The following CHODL variants were observed in gnomAD, a reference collection of about 807,000 sequenced individuals.
CHODL encodes transmembrane protein MT75.
In CHODL, 29 loss-of-function variants were observed where a neutral mutation model predicts 34.5. That is an observed-to-expected ratio of 0.84 (90% confidence interval 0.63 to 1.15). The LOEUF (loss-of-function observed/expected upper bound fraction) is 1.15. Among genes scored for constraint, CHODL ranks in the 50% most tolerant of loss-of-function variants. The pLI, the probability that CHODL is intolerant of heterozygous loss-of-function variation, is 0.00. For synonymous variants in CHODL, 125 were observed against 116.1 expected, an observed-to-expected ratio of 1.08 and a Z score of -0.49; for missense variants, 332 against 332.5, an observed-to-expected ratio of 1.00 and a Z score of 0.01.
intron 2 of CHODL, among the ~76,000 whole-genome samples, chr21:18,133,909 G>T (rs1345089926): frequency 6.6e-6 from 1 of 152,064 alleles, no homozygotes; most frequent in Non-Finnish European, 1.5e-5. Flanking sequence ...GAATAACTTA[G>T]TTTGCAAGTA....
At chr21:18,239,578 A>G (rs958767524) in intron 2 of CHODL, among the ~76,000 whole-genome samples, 10 of 152,218 alleles carry the variant, frequency 6.6e-5, no homozygotes, top group African/African-American at 2.4e-4. Flanking sequence ...TATGAATGCC[A>G]CAAAGGAATA....
chr21:18,010,169 GC>G (rs1354815791), intron 1 of CHODL, among the ~76,000 whole-genome samples: 5 of 137,390 alleles, frequency 3.6e-5, no homozygotes, highest in African/African-American at 1.3e-4. Flanking sequence ...GTGGTGGCGG[GC>G]CCTGTAGTCC....
chr21:17,923,485 G>C (rs1380789043), intron 1 of CHODL, among the ~76,000 whole-genome samples: 1 of 130,548 alleles, frequency 7.7e-6, no homozygotes, highest in African/African-American at 2.9e-5. Flanking sequence ...TTTTTGAGAC[G>C]AAGTCTCGCA....
chr21:17,958,719 C>T (rs950292484), intron 1 of CHODL, among the ~76,000 whole-genome samples: 7 of 152,114 alleles, frequency 4.6e-5, no homozygotes, highest in African/African-American at 1.7e-4. Context: ...TCTAAAATTT[C>T]TGGAAATATC....
intron 1 of CHODL, among the ~76,000 whole-genome samples, chr21:17,972,842 G>GT (rs1323714715): frequency 6.6e-6 from 1 of 152,040 alleles, no homozygotes; most frequent in Admixed American, 6.6e-5. Context: ...CAAGACAATT[G>GT]TAAGCAAAAA....
At chr21:18,265,235 GTA>G (rs1156746967) in intron 5 of CHODL, among the ~76,000 whole-genome samples, 126 of 129,262 alleles carry the variant, frequency 9.7e-4, no homozygotes, top group East Asian at 6.9e-3. Context: ...ATATATGTGT[GTA>G]TATATATATG....
chr21:18,014,140 T>C (rs2064048427), intron 1 of CHODL, among the ~76,000 whole-genome samples: 1 of 152,128 alleles, frequency 6.6e-6, no homozygotes, highest in African/African-American at 2.4e-5. Context: ...GACAGAGTCA[T>C]GTGGAAGAGA....
intron 2 of CHODL, among the ~76,000 whole-genome samples, chr21:18,049,663 T>G (rs2146466286): frequency 6.6e-6 from 1 of 152,106 alleles, no homozygotes; most frequent in African/African-American, 2.4e-5. Context: ...CTCCTTACTG[T>G]GTCCTCACAT....
intron 2 of CHODL, among the ~76,000 whole-genome samples, chr21:18,210,298 T>A (rs1356254082): frequency 1.3e-5 from 2 of 152,192 alleles, no homozygotes; most frequent in Non-Finnish European, 2.9e-5. Flanking sequence ...TGTCCCACAA[T>A]CACGGCACTT....
chr21:18,012,194 A>G (rs1484307560), intron 1 of CHODL, among the ~76,000 whole-genome samples: 1 of 152,236 alleles, frequency 6.6e-6, no homozygotes, highest in Non-Finnish European at 1.5e-5. Flanking sequence ...AGCCAGTGGC[A>G]TTATGATCTT....
At position 18,177,946 on chromosome 21, in the gene CHODL, T is replaced by C. The variant is rs147323521; in HGVS notation, c.-44-78563T>C. Among the ~76,000 whole-genome samples the C allele has an allele frequency of 5.1e-3, 771 of 152,252 alleles. 2 individuals are homozygous for C. Among genetic ancestry groups the C allele is most frequent in the Non-Finnish European group, 7.1e-3 (481 of 67,976 alleles). ...GCTATTTACTTGGTCCAAATAAAAA[T>C]ATCTATTTTCATTGAGAGCACTGCT... is the stretch of plus-strand genomic sequence containing the variant. On this transcript the variant is annotated intron_variant, in intron 2 of 6. Coordinates refer to the CHODL transcript ENST00000400127.
At chr21:18,082,772 G>A (rs763673734) in intron 2 of CHODL, among the ~76,000 whole-genome samples, 6 of 152,248 alleles carry the variant, frequency 3.9e-5, no homozygotes, top group South Asian at 2.1e-4. Flanking sequence ...TTTCGAAGTG[G>A]CAAAGCATTC....
rs1244900957 is a variant in CHODL, at chr21:17,977,696, ATCCCGAGG to A, written c.-144-50173_-144-50166del. Reference sequence around the variant, plus strand: ...AAAGATAAATGGCTGAGGCAGGCGAATCCCGAGGTCAAGAGATCGAGACCATCCTGGCC... The same window carrying A: ...AAAGATAAATGGCTGAGGCAGGCGAATCAAGAGATCGAGACCATCCTGGCC... On this transcript the variant is annotated intron_variant, in intron 1 of 6. Transcript: ENST00000400127. Among the ~76,000 whole-genome samples the A allele has an allele frequency of 6.9e-5, 10 of 145,762 alleles. No homozygotes were observed. In the East Asian group the frequency reaches 2.2e-3, roughly 31 times the overall value.
chr21:17,933,296 G>T (rs969702756), intron 1 of CHODL, among the ~76,000 whole-genome samples: 4 of 152,162 alleles, frequency 2.6e-5, no homozygotes, highest in African/African-American at 9.7e-5. Context: ...GGACGGTCAG[G>T]TCTTTCCCTT....
chr21:17,999,138 C>G (rs1055024343), intron 1 of CHODL, among the ~76,000 whole-genome samples: 1 of 152,180 alleles, frequency 6.6e-6, no homozygotes, highest in Non-Finnish European at 1.5e-5. Context: ...GTTCAAAGTT[C>G]CACAAATCTT....
chr21:18,023,039 A>C (rs1026840571), intron 1 of CHODL, among the ~76,000 whole-genome samples: 6 of 152,224 alleles, frequency 3.9e-5, no homozygotes, highest in African/African-American at 1.4e-4. Flanking sequence ...ATTTCATAGG[A>C]ATGATCTCAT....
chr21:18,089,305 A>T (rs911030472), intron 2 of CHODL, among the ~76,000 whole-genome samples: 3 of 151,986 alleles, frequency 2.0e-5, no homozygotes. Context: ...TTATTTTTGA[A>T]TATATAGATA....
At chr21:18,260,124 A>G (rs2074362575) in intron 3 of CHODL, 76 bp from the exon 4 acceptor site, 1 of 523,514 alleles carries the variant, frequency 1.9e-6, no homozygotes, top group East Asian at 4.2e-5. Flanking sequence ...ATTTTATAAT[A>G]TAATTTCATA....
At chr21:17,929,411 T>A (rs1214901618) in intron 1 of CHODL, among the ~76,000 whole-genome samples, 1 of 152,244 alleles carries the variant, frequency 6.6e-6, no homozygotes, top group South Asian at 2.1e-4. Flanking sequence ...AAGCAGCTAG[T>A]GGGTTCCTCT....
Sources: allele counts gnomAD v4.1 joint callset (sites outside exome capture counted in the v4.1 genomes callset), GRCh38; gene constraint gnomAD v4.1.1; transcripts MANE v1.5; gene names NCBI Gene and HGNC (gene_info 2026-07-23, HGNC 2026-07-21).